Variants in THAP5 observed in about 807,000 individuals in gnomAD.
The protein encoded by THAP5 is THAP domain-containing protein 5.
THAP5 carries 26 observed loss-of-function variants against 34.0 expected under a neutral mutation model. The observed-to-expected ratio is 0.77, with a 90% CI of 0.56 to 1.06. The LOEUF (loss-of-function observed/expected upper bound fraction) is 1.06. THAP5 is among the 50% of genes least tolerant of loss of function. THAP5 has a pLI of 0.00. For missense variants in THAP5, 394 were observed against 452.8 expected (o/e 0.87, Z 1.18); for synonymous variants, 125 against 153.0 (o/e 0.82, Z 1.35).
chr7:108,549,089 T>TACAC, the THAP5 span, among the ~76,000 whole-genome samples: 7,113 of 136,460 alleles, frequency 0.052, 200 homozygotes, highest in Non-Finnish European at 0.068. Context: ...ACATGCTTAA[T>TACAC]ACACACACAC....
intron 1 of THAP5, among the ~76,000 whole-genome samples, chr7:108,555,230 T>A (rs111919226): frequency 5.3e-5 from 8 of 151,866 alleles, no homozygotes; most frequent in Admixed American, 5.3e-4. Context: ...AATGGTGCAA[T>A]CTTGGCTCAC....
the THAP5 span, among the ~76,000 whole-genome samples, chr7:108,542,953 G>A: frequency 1.3e-5 from 2 of 148,894 alleles, no homozygotes; most frequent in African/African-American, 5.0e-5. Context: ...TTGAGATGGA[G>A]TCTCGCTTTG....
intron 2 of THAP5, 24 bp downstream of exon 2, chr7:108,565,806 T>TACCC (rs1253483066): frequency 1.3e-6 from 2 of 1,513,918 alleles, no homozygotes; most frequent in South Asian, 1.3e-5. Flanking sequence ...TGCTCAGCAT[T>TACCC]ACCCCTCTCC....
At chr7:108,560,921 A>C (rs996387511), downstream of THAP5, among the ~76,000 whole-genome samples, 1 of 152,138 alleles carries the variant, frequency 6.6e-6, no homozygotes, top group African/African-American at 2.4e-5. Flanking sequence ...AATTTTTTGT[A>C]GAGATGGGAT....
chr7:108,546,096 CTAAATAGTACTTAT>C, the THAP5 span, among the ~76,000 whole-genome samples: 3 of 152,124 alleles, frequency 2.0e-5, no homozygotes, highest in Non-Finnish European at 4.4e-5. Flanking sequence ...TAAGCATTTA[CTAAATAGTACTTAT>C]TAAATAGCAT....
chr7:108,566,069 T>G (rs764947741), intron 1 of THAP5, 47 bp from the exon 2 acceptor site: 20 of 1,464,420 alleles, frequency 1.4e-5, no homozygotes, highest in Non-Finnish European at 1.7e-5. Context: ...CTTTGCTATA[T>G]TTTTACAATT....
chr7:108,567,826 TAGA>T (rs1214143769), intron 1 of THAP5, among the ~76,000 whole-genome samples: 30 of 152,228 alleles, frequency 2.0e-4, no homozygotes, highest in Admixed American at 1.8e-3. Flanking sequence ...TTAAAAACCC[TAGA>T]AATAATACAA....
intron 1 of THAP5, chr7:108,569,138 A>G: frequency 9.1e-7 from 1 of 1,099,532 alleles, no homozygotes; most frequent in South Asian, 3.1e-5. Flanking sequence ...GCACCTTTCC[A>G]CTTCGCAGGT....
chr7:108,561,426 G>C (rs1245822444), downstream of THAP5, among the ~76,000 whole-genome samples: 9 of 148,418 alleles, frequency 6.1e-5, no homozygotes, highest in Admixed American at 4.0e-4. Flanking sequence ...ACCATGCCTG[G>C]CTGATTTTTT....
chr7:108,569,062 G>A lies in THAP5; in HGVS notation c.80+428C>T, dbSNP rs184320036. On this transcript the variant is annotated intron_variant, in intron 1 of 2. Transcript: ENST00000415914. ...TCATTCCGGGCCTCAGTTTCCTCAG[G>A]AGAAAAGTGGGATGAAATTATACCT... The A allele has an allele frequency of 1.8e-5, 18 of 1,002,704 alleles. No homozygotes were observed. In the Admixed American group the frequency reaches 2.6e-4, roughly 15 times the overall value. 62.1% of individuals were successfully genotyped at this position (1,002,704 alleles called of 1,614,324 possible). A position where few individuals can be genotyped will look rare whatever the true frequency, so the allele number is the denominator to read the frequency against.
the THAP5 span, among the ~76,000 whole-genome samples, chr7:108,549,127 C>CACAT: frequency 4.1e-4 from 51 of 125,856 alleles, no homozygotes; most frequent in African/African-American, 1.4e-3. Context: ...CACACACACA[C>CACAT]AAGTACTTTT....
At chr7:108,546,656 C>T in the THAP5 span, among the ~76,000 whole-genome samples, 1 of 152,174 alleles carries the variant, frequency 6.6e-6, no homozygotes, top group African/African-American at 2.4e-5. Context: ...CAGGGTGCTC[C>T]ATTCTCTATT....
chr7:108,557,986 G>C (rs1308952202), downstream of THAP5, among the ~76,000 whole-genome samples: 1 of 152,180 alleles, frequency 6.6e-6, no homozygotes, highest in Non-Finnish European at 1.5e-5. Flanking sequence ...AGGCAAAAAG[G>C]AAGCAAGCAC....
chr7:108,557,374 G>T (rs1177207578), downstream of THAP5, among the ~76,000 whole-genome samples: 1 of 152,168 alleles, frequency 6.6e-6, no homozygotes, highest in African/African-American at 2.4e-5. Flanking sequence ...GTAAGTTCTA[G>T]TTTCAGGTAA....
Position 108,564,464 on chromosome 7 carries a change from G to C in THAP5, c.915C>G (p.Asp305Glu). 1 of 1,613,894 alleles carries C rather than the reference G, an allele frequency of 6.2e-7. No individual in the cohort carries two copies. The highest frequency in any genetic ancestry group is 1.3e-5 in the African/African-American group (1 of 75,040). The change falls in exon 3 of 3, where the codon GAC becomes GAG. Residue 305 changes from aspartate to glutamate, a missense_variant. Physicochemically the swap from Asp to Glu is conservative, Grantham distance 45. Coordinates refer to ENST00000415914, the MANE Select transcript of THAP5 (RefSeq NM_001130475.3). ...CATAGTCTACATCCTTATACAAGGA[G>C]TCTTCAATGTCTGTGTCTTCCATTT... is the stretch of plus-strand genomic sequence containing the variant. Reference protein sequence around the residue: ...TTEMEDTDIEDSLYKDVDYGT... With the variant: ...TTEMEDTDIEESLYKDVDYGT...
chr7:108,560,011 C>A (rs1434165975), downstream of THAP5, among the ~76,000 whole-genome samples: 1 of 152,180 alleles, frequency 6.6e-6, no homozygotes, highest in Non-Finnish European at 1.5e-5. Context: ...ATCTTAATAT[C>A]TTCAGGTTAT....
chr7:108,543,261 G>A, the THAP5 span, among the ~76,000 whole-genome samples: 1 of 152,082 alleles, frequency 6.6e-6, no homozygotes, highest in Non-Finnish European at 1.5e-5. Context: ...GTATCACAGG[G>A]CTTCCAGAGC....
chr7:108,551,083 CA>C (rs1345824223), downstream of THAP5, among the ~76,000 whole-genome samples: 5 of 152,122 alleles, frequency 3.3e-5, no homozygotes, highest in Non-Finnish European at 7.4e-5. Context: ...TTTTTGTTTT[CA>C]GAAATGCAAT....
exon 2 of THAP5, chr7:108,554,784 T>G (rs936468993): frequency 1.3e-5 from 2 of 152,222 alleles, no homozygotes; most frequent in Non-Finnish European, 2.9e-5. Context: ...CCTAACTTCC[T>G]TATTCTTCAC....
Sources: allele counts gnomAD v4.1 joint callset (sites outside exome capture counted in the v4.1 genomes callset), GRCh38; gene constraint gnomAD v4.1.1; transcripts MANE v1.5; gene names NCBI Gene and HGNC (gene_info 2026-07-23, HGNC 2026-07-21).